The following MAP2 variants were observed in gnomAD, a reference collection of about 807,000 sequenced individuals.
The protein encoded by MAP2 is microtubule associated protein 2.
Under a neutral mutation model 137.6 loss-of-function variants are expected in MAP2, and 14 were observed. The observed-to-expected ratio is 0.10, with a 90% CI of 0.07 to 0.16. The LOEUF (loss-of-function observed/expected upper bound fraction) is 0.16. MAP2 is among the 10% of genes least tolerant of loss of function. The pLI, the probability that MAP2 is intolerant of heterozygous loss-of-function variation, is 1.00. For synonymous variants in MAP2, 786 were observed against 782.3 expected, an observed-to-expected ratio of 1.00 and a Z score of -0.08; for missense variants, 2,088 against 2,191.5, an observed-to-expected ratio of 0.95 and a Z score of 0.94.
chr2:209,655,882 A>G (rs1274561506), intron 5 of MAP2, among the ~76,000 whole-genome samples: 1 of 152,208 alleles, frequency 6.6e-6, no homozygotes, highest in East Asian at 1.9e-4. Flanking sequence ...TACTGATTAA[A>G]TCAAAGAATC....
chr2:209,551,200 C>T (rs2153290837), intron 2 of MAP2, among the ~76,000 whole-genome samples: 1 of 152,174 alleles, frequency 6.6e-6, no homozygotes, highest in East Asian at 1.9e-4. Flanking sequence ...GCCTACAAAA[C>T]TGAAGGGTTT....
In MAP2 at chr2:209,710,151, C is replaced by T; in HGVS notation, c.4970C>T (p.Pro1657Leu). 5.0e-6 allele frequency: 8 copies of T among 1,613,982 alleles called. No individual in the cohort carries two copies. The highest frequency in any genetic ancestry group is 6.8e-6 in the Non-Finnish European group (8 of 1,179,998). Reference protein sequence around the residue: ...IRTPPKSPATPKQLRLINQPL... With the variant: ...IRTPPKSPATLKQLRLINQPL... ...ACTCCTCCAAAATCTCCTGCGACTC[C>T]CAAGCAGCTTCGGCTTATTAACCAA... The change falls in exon 13 of 16, where the codon CCC becomes CTC. Residue 1657 changes from proline (P) to leucine (L), a missense_variant. By Grantham distance (98) the Pro-to-Leu change is moderately conservative. Around this residue, in one of 6 missense-constraint regions of MAP2, gnomAD observed 591 missense variants for 642.6 expected, o/e 0.92. Transcript: ENST00000682079.
At chr2:209,461,471 TC>T (rs1702794747) in intron 1 of MAP2, among the ~76,000 whole-genome samples, 1 of 151,820 alleles carries the variant, frequency 6.6e-6, no homozygotes, top group African/African-American at 2.4e-5. Flanking sequence ...TTTTTTTTTT[TC>T]GAGACGGAGT....
chr2:209,631,030 A>AAAAAAAAAAAAAC (rs2092978082), intron 4 of MAP2, among the ~76,000 whole-genome samples: 1 of 96,846 alleles, frequency 1.0e-5, no homozygotes, highest in Non-Finnish European at 1.8e-5. Flanking sequence ...AAAAAAAAAA[A>AAAAAAAAAAAAAC]AAAAAGAGAG....
intron 3 of MAP2, among the ~76,000 whole-genome samples, chr2:209,592,443 T>G (rs1232734702): frequency 1.3e-5 from 2 of 152,162 alleles, no homozygotes; most frequent in African/African-American, 2.4e-5. Flanking sequence ...TTGGTTTGAC[T>G]GGAGCTCCTT....
intron 1 of MAP2, among the ~76,000 whole-genome samples, chr2:209,504,943 G>A (rs2150162356): frequency 6.6e-6 from 1 of 152,234 alleles, no homozygotes; most frequent in Non-Finnish European, 1.5e-5. Context: ...TAGTGCACAT[G>A]CAACCCAGCC....
intron 3 of MAP2, among the ~76,000 whole-genome samples, chr2:209,612,064 C>T (rs1014443299): frequency 2.0e-5 from 3 of 152,154 alleles, no homozygotes; most frequent in African/African-American, 7.2e-5. Flanking sequence ...AAGCATTTTA[C>T]CCAAGAGAGA....
At chr2:209,467,804 A>G (rs1704532392) in intron 1 of MAP2, among the ~76,000 whole-genome samples, 1 of 152,132 alleles carries the variant, frequency 6.6e-6, no homozygotes. Context: ...ACCATGTGCA[A>G]TTTCTTAACA....
chr2:209,496,073 C>G (rs930087137), intron 1 of MAP2, among the ~76,000 whole-genome samples: 1 of 152,130 alleles, frequency 6.6e-6, no homozygotes, highest in African/African-American at 2.4e-5. Context: ...CCATTAAGAG[C>G]CTTATCTCAT....
At chr2:209,437,505 C>T (rs1040128023) in intron 1 of MAP2, among the ~76,000 whole-genome samples, 1 of 151,452 alleles carries the variant, frequency 6.6e-6, no homozygotes, top group Non-Finnish European at 1.5e-5. Flanking sequence ...CTGTTGCCTT[C>T]TAATTTCGAT....
chr2:209,648,660 G>A (rs2094569131), intron 4 of MAP2, among the ~76,000 whole-genome samples: 1 of 150,004 alleles, frequency 6.7e-6, no homozygotes, highest in African/African-American at 2.5e-5. Context: ...ATGTTGGCGG[G>A]CACCTGTAAT....
intron 1 of MAP2, among the ~76,000 whole-genome samples, chr2:209,441,915 T>C (rs565144109): frequency 6.6e-6 from 1 of 151,564 alleles, no homozygotes; most frequent in Non-Finnish European, 1.5e-5. Context: ...TTTCAATTCA[T>C]GTGGTTTTTG....
intron 2 of MAP2, among the ~76,000 whole-genome samples, chr2:209,530,555 G>A (rs1195958609): frequency 6.6e-6 from 1 of 152,128 alleles, no homozygotes; most frequent in Non-Finnish European, 1.5e-5. Context: ...AAAATCTCTT[G>A]CAGATTATTT....
At position 209,676,429 on chromosome 2, in the gene MAP2, T is replaced by C. The variant is rs149639458; in HGVS notation, c.263-2143T>C. Among the ~76,000 whole-genome samples, 749 of 151,822 alleles carry C rather than the reference T, an allele frequency of 4.9e-3. 7 individuals carry two copies. The highest frequency in any genetic ancestry group is 0.018 in the African/African-American group (730 of 41,446). On this transcript the variant is annotated intron_variant, in intron 5 of 15. Coordinates refer to ENST00000682079, the MANE Select transcript of MAP2 (RefSeq NM_001375505.1). Reference sequence around the variant, plus strand: ...GAGGGAGAGGATCAGGAAAAATAACTAATGGGCACTAGGCTTAATACCTGG... The same window carrying C: ...GAGGGAGAGGATCAGGAAAAATAACCAATGGGCACTAGGCTTAATACCTGG...
At chr2:209,697,999 C>T (rs1421077352) in intron 10 of MAP2, among the ~76,000 whole-genome samples, 1 of 116,854 alleles carries the variant, frequency 8.6e-6, no homozygotes, top group East Asian at 2.7e-4. Flanking sequence ...CAGGCGTGCA[C>T]CCAGCTAATT....
chr2:209,482,221 G>C (rs1157656506), intron 1 of MAP2, among the ~76,000 whole-genome samples: 3 of 152,150 alleles, frequency 2.0e-5, no homozygotes, highest in Admixed American at 6.5e-5. Flanking sequence ...TCTGAGGGCA[G>C]AGTGCTATGC....
At chr2:209,671,071 C>G (rs1025326793) in intron 5 of MAP2, among the ~76,000 whole-genome samples, 2 of 151,982 alleles carry the variant, frequency 1.3e-5, no homozygotes, top group Middle Eastern at 6.8e-3. Context: ...GCCTCAAATG[C>G]ATTTTTCCCC....
intron 4 of MAP2, among the ~76,000 whole-genome samples, chr2:209,646,840 T>C (rs2094451520): frequency 6.6e-6 from 1 of 152,190 alleles, no homozygotes; most frequent in Non-Finnish European, 1.5e-5. Context: ...CAATCTCTTC[T>C]ATCACTTCTG....
chr2:209,551,477 A>G (rs1290645796), intron 2 of MAP2, among the ~76,000 whole-genome samples: 1 of 152,180 alleles, frequency 6.6e-6, no homozygotes, highest in Non-Finnish European at 1.5e-5. Context: ...AAGTGATTTC[A>G]TTTTGTATGT....
Sources: allele counts gnomAD v4.1 joint callset (sites outside exome capture counted in the v4.1 genomes callset), GRCh38; gene constraint gnomAD v4.1.1; regional missense constraint gnomAD v4.1.1; transcripts MANE v1.5; gene names NCBI Gene and HGNC (gene_info 2026-07-23, HGNC 2026-07-21).